FSTL4: variants seen among roughly 807,000 people sequenced by gnomAD.
FSTL4 encodes the protein follistatin like 4.
In FSTL4, 28 loss-of-function variants were observed where a neutral mutation model predicts 78.2. The observed-to-expected ratio is 0.36, with a 90% CI of 0.27 to 0.49. FSTL4 has a LOEUF of 0.49. Ranked by LOEUF, FSTL4 falls within the 20% of genes least tolerant of loss-of-function variation. FSTL4 has a pLI of 0.98. For synonymous variants in FSTL4, 422 were observed against 440.5 expected, an observed-to-expected ratio of 0.96 and a Z score of 0.53; for missense variants, 922 against 1,084.9, an observed-to-expected ratio of 0.85 and a Z score of 2.11.
At chr5:133,352,170 G>C (rs927898878) in intron 4 of FSTL4, among the ~76,000 whole-genome samples, 1 of 151,228 alleles carries the variant, frequency 6.6e-6, no homozygotes. Context: ...GTACCCAACA[G>C]GTAGTTTTTC....
chr5:133,819,203 A>G, the FSTL4 span, among the ~76,000 whole-genome samples: 1 of 151,560 alleles, frequency 6.6e-6, no homozygotes, highest in Admixed American at 6.6e-5. Flanking sequence ...AGAACAAGAA[A>G]GTGAAGTCAA....
chr5:133,410,386 C>A (rs1035987165), intron 3 of FSTL4, among the ~76,000 whole-genome samples: 1 of 152,200 alleles, frequency 6.6e-6, no homozygotes, highest in South Asian at 2.1e-4. Context: ...CCAAGGGGAC[C>A]AGATGTTGCT....
chr5:133,548,714 AG>A (rs1450579376), intron 3 of FSTL4, among the ~76,000 whole-genome samples: 1 of 152,198 alleles, frequency 6.6e-6, no homozygotes, highest in African/African-American at 2.4e-5. Context: ...CAGAATCAAA[AG>A]GATCTAGAAC....
At chr5:133,403,142 T>C (rs1756276135) in intron 3 of FSTL4, among the ~76,000 whole-genome samples, 1 of 152,250 alleles carries the variant, frequency 6.6e-6, no homozygotes, top group Non-Finnish European at 1.5e-5. Flanking sequence ...TTTGTTTCTC[T>C]CCCAAGACAG....
rs1384048262 is a variant in FSTL4, at chr5:133,198,166, G to GCC, written c.*927_*928dup. Reference sequence around the variant, plus strand: ...ATACCTTGCCAGGCAAGCCCAGTCTGCCCTGAATCTGGGGTACCAGACCTG... The same window carrying GCC: ...ATACCTTGCCAGGCAAGCCCAGTCTGCCCCCTGAATCTGGGGTACCAGACCTG... On this transcript the variant is annotated 3_prime_UTR_variant, in exon 16 of 16. Coordinates refer to ENST00000265342, the MANE Select transcript of FSTL4 (RefSeq NM_015082.2). The GCC allele has an allele frequency of 2.0e-5, 3 of 152,818 alleles. No individual in the cohort carries two copies. Among genetic ancestry groups the GCC allele is most frequent in the Non-Finnish European group, 4.4e-5 (3 of 68,086 alleles). 9.5% of individuals were successfully genotyped at this position (152,818 alleles called of 1,614,324 possible).
At chr5:133,226,769 C>T (rs1268437853) in intron 8 of FSTL4, among the ~76,000 whole-genome samples, 1 of 152,192 alleles carries the variant, frequency 6.6e-6, no homozygotes, top group African/African-American at 2.4e-5. Context: ...CTGGAACTCC[C>T]TGTTGTTCAG....
At chr5:133,299,401 T>C (rs1335796296) in intron 6 of FSTL4, among the ~76,000 whole-genome samples, 1 of 152,188 alleles carries the variant, frequency 6.6e-6, no homozygotes, top group African/African-American at 2.4e-5. Flanking sequence ...TGCTTTGAGT[T>C]TCCCCCACCC....
At chr5:133,251,482 T>C (rs991767234) in intron 6 of FSTL4, among the ~76,000 whole-genome samples, 15 of 152,180 alleles carry the variant, frequency 9.9e-5, no homozygotes, top group African/African-American at 3.6e-4. Flanking sequence ...TTGTTTCATC[T>C]GAGTTCTTTT....
At chr5:133,728,457 G>A in the FSTL4 span, among the ~76,000 whole-genome samples, 5 of 152,328 alleles carry the variant, frequency 3.3e-5, no homozygotes, top group African/African-American at 1.2e-4. Flanking sequence ...TGGAAACTAG[G>A]TGCTGGGGGT....
intron 6 of FSTL4, among the ~76,000 whole-genome samples, chr5:133,278,437 C>G (rs1752936797): frequency 6.6e-6 from 1 of 152,238 alleles, no homozygotes; most frequent in Admixed American, 6.5e-5. Context: ...TCCCAGCTCC[C>G]AGCAGGGCTC....
At chr5:133,510,039 G>C (rs1758693966) in intron 3 of FSTL4, among the ~76,000 whole-genome samples, 1 of 152,236 alleles carries the variant, frequency 6.6e-6, no homozygotes, top group African/African-American at 2.4e-5. Context: ...AGTGCCCACT[G>C]TATGCTAGGC....
chr5:133,401,134 G>A, intron 3 of FSTL4, 148 bp from the exon 4 acceptor site: 1 of 786,144 alleles, frequency 1.3e-6, no homozygotes, highest in South Asian at 1.7e-5. Flanking sequence ...GGGTCTCCTA[G>A]GGAGTCCCTG....
At chr5:133,219,003 C>A (rs1751005125) in intron 12 of FSTL4, among the ~76,000 whole-genome samples, 1 of 152,162 alleles carries the variant, frequency 6.6e-6, no homozygotes, top group Non-Finnish European at 1.5e-5. Flanking sequence ...AAAAGGGGAC[C>A]TTCTTTTCCT....
At chr5:133,208,950 C>A (rs142206087) in intron 14 of FSTL4, among the ~76,000 whole-genome samples, 1 of 152,172 alleles carries the variant, frequency 6.6e-6, no homozygotes, top group Non-Finnish European at 1.5e-5. Context: ...GGATTACAGG[C>A]GTGAGCCACT....
At chr5:133,665,563 T>G in the FSTL4 span, among the ~76,000 whole-genome samples, 1 of 152,166 alleles carries the variant, frequency 6.6e-6, no homozygotes, top group African/African-American at 2.4e-5. Context: ...CACCCAGATA[T>G]TGCCTTGACC....
chr5:133,783,024 G>A, the FSTL4 span, among the ~76,000 whole-genome samples: 23 of 152,242 alleles, frequency 1.5e-4, no homozygotes, highest in Admixed American at 1.3e-3. Context: ...TCTCAGCACC[G>A]TCACCAGCAC....
intron 3 of FSTL4, among the ~76,000 whole-genome samples, chr5:133,493,925 C>G (rs1291396665): frequency 6.6e-6 from 1 of 152,182 alleles, no homozygotes; most frequent in Non-Finnish European, 1.5e-5. Context: ...TTATTTTCTT[C>G]TGAGACAGAA....
intron 3 of FSTL4, among the ~76,000 whole-genome samples, chr5:133,457,438 C>T (rs75483108): frequency 1.1e-3 from 165 of 152,362 alleles, no homozygotes; most frequent in African/African-American, 3.7e-3. Context: ...TCACCCCTTT[C>T]CCCGCACAAA....
intron 4 of FSTL4, among the ~76,000 whole-genome samples, chr5:133,398,994 C>T (rs1321601708): frequency 7.2e-5 from 11 of 152,334 alleles, no homozygotes; most frequent in South Asian, 4.1e-4. Context: ...GCCTGCCCCC[C>T]GCTCCACGCC....
Sources: gnomAD v4.1 joint callset for allele counts (sites outside exome capture counted in the v4.1 genomes callset) on GRCh38, gnomAD v4.1.1 for gene constraint, MANE v1.5 for transcripts, NCBI Gene and HGNC (gene_info 2026-07-23, HGNC 2026-07-21) for gene names.